FBXL14: variants seen among roughly 807,000 people sequenced by gnomAD.
FBXL14 encodes F-box and leucine rich repeat protein 14, also known as F-box/LRR-repeat protein 14.
FBXL14 carries 11 observed loss-of-function variants against 24.5 expected under a neutral mutation model. The ratio of observed to expected loss-of-function variants is 0.45; its 90% confidence interval spans 0.28 to 0.74. The LOEUF is 0.74. Among genes scored for constraint, FBXL14 ranks in the 30% least tolerant of loss-of-function variants. The pLI, the probability that FBXL14 is intolerant of heterozygous loss-of-function variation, is 0.12. For synonymous variants in FBXL14, 294 were observed against 240.4 expected, an observed-to-expected ratio of 1.22 and a Z score of -2.06; for missense variants, 384 against 545.6, an observed-to-expected ratio of 0.70 and a Z score of 2.95.
At chr12:1,568,137 TAAAG>T (rs1440298074) in intron 1 of FBXL14, among the ~76,000 whole-genome samples, 2 of 151,934 alleles carry the variant, frequency 1.3e-5, no homozygotes, top group South Asian at 2.1e-4. Context: ...AAATCAAAGA[TAAAG>T]AAAAAGTCCT....
At chr12:1,590,435 T>A (rs2094486855) in intron 1 of FBXL14, among the ~76,000 whole-genome samples, 1 of 151,980 alleles carries the variant, frequency 6.6e-6, no homozygotes. Context: ...GAGATCAGTA[T>A]TTTTTTTAAC....
rs185168792 is a variant in FBXL14 at position 1,579,831 on chromosome 12, G to C, written c.1195-13021C>G. Among the ~76,000 whole-genome samples the C allele has an allele frequency of 2.6e-5, 4 of 152,254 alleles. No homozygotes were observed. The East Asian group carries it at 5.8e-4, about 22-fold the overall frequency. Reference sequence around the variant, plus strand: ...GGGTATTTGCATACATCACTAACCAGCTGGGATTAGAATGAGCAGTCTCTC... The same window carrying C: ...GGGTATTTGCATACATCACTAACCACCTGGGATTAGAATGAGCAGTCTCTC... On this transcript the variant is annotated intron_variant, in intron 1 of 1. Coordinates refer to ENST00000339235, the MANE Select transcript of FBXL14 (RefSeq NM_152441.3). The surrounding 1 kb of genome is among the most constrained non-coding windows in gnomAD (Gnocchi z 4.3).
intron 1 of FBXL14, among the ~76,000 whole-genome samples, chr12:1,576,745 G>C (rs913825500): frequency 1.3e-5 from 2 of 152,158 alleles, no homozygotes; most frequent in South Asian, 2.1e-4. Context: ...CTCCATACGC[G>C]TAAGTGGGAG....
rs2094495447 is a variant in FBXL14 at position 1,593,664 on chromosome 12, G to A, written c.403C>T (p.Leu135=). ...SLCKQITDSS[L]GRIAQYLKGL... ...TTGAGGTACTGGGCTATGCGGCCCA[G>A]GCTGCTGTCAGTGATCTGCTTGCAG... The change falls in exon 1 of 2, where the codon CTG becomes TTG. Residue 135 remains leucine, a synonymous_variant. Coordinates refer to ENST00000339235, the MANE Select transcript of FBXL14 (RefSeq NM_152441.3). The surrounding 1 kb of genome is among the most constrained non-coding windows in gnomAD (Gnocchi z 7.4). The A allele has an allele frequency of 6.2e-7, 1 of 1,614,180 alleles. No homozygotes were observed. Among genetic ancestry groups the A allele is most frequent in the African/African-American group, 1.3e-5 (1 of 75,078 alleles).
intron 1 of FBXL14, among the ~76,000 whole-genome samples, chr12:1,584,063 T>TAAAG (rs1425141131): frequency 6.6e-6 from 1 of 152,100 alleles, no homozygotes; most frequent in East Asian, 1.9e-4. Context: ...TTTTTATTTC[T>TAAAG]AAAGAAAGCA....
intron 1 of FBXL14, chr12:1,587,287 T>C (rs1428980658): frequency 6.8e-6 from 1 of 147,770 alleles, no homozygotes; most frequent in Non-Finnish European, 1.5e-5. Flanking sequence ...AGTAATGAAA[T>C]AATAGAAACT....
At chr12:1,591,563 A>G (rs2094490199) in intron 1 of FBXL14, among the ~76,000 whole-genome samples, 2 of 152,204 alleles carry the variant, frequency 1.3e-5, no homozygotes, top group Non-Finnish European at 2.9e-5. Context: ...AGAAATAACA[A>G]CAAAAATCCA....
In FBXL14 at chr12:1,573,408, C is replaced by T. The variant is rs145828099; in HGVS notation, c.1195-6598G>A. 4.7e-4 allele frequency among the ~76,000 whole-genome samples: 72 copies of T among 152,362 alleles called. 1 individual carries two copies. In the East Asian group the frequency reaches 0.011, roughly 23 times the overall value. ...TTTGCTGTATCCTCAGCCCCTATCACAGGACAGGGTGCCTCGTAGAAGCTC... is the reference window on the plus strand; with the variant it reads ...TTTGCTGTATCCTCAGCCCCTATCATAGGACAGGGTGCCTCGTAGAAGCTC... On this transcript the variant is annotated intron_variant, in intron 1 of 1. Coordinates refer to ENST00000339235, the MANE Select transcript of FBXL14 (RefSeq NM_152441.3).
chr12:1,589,530 A>C (rs2094484772), intron 1 of FBXL14, among the ~76,000 whole-genome samples: 1 of 151,654 alleles, frequency 6.6e-6, no homozygotes, highest in South Asian at 2.1e-4. Context: ...CTAGGTTTGA[A>C]TCCTGGCTCC....
intron 1 of FBXL14, among the ~76,000 whole-genome samples, chr12:1,582,749 CT>C (rs2094469161): frequency 6.6e-6 from 1 of 152,172 alleles, no homozygotes; most frequent in Admixed American, 6.5e-5. Context: ...GCCAATACAG[CT>C]TGGTAGAAGC....
chr12:1,572,276 C>CA (rs1287639227), intron 1 of FBXL14, among the ~76,000 whole-genome samples: 3 of 152,204 alleles, frequency 2.0e-5, no homozygotes, highest in African/African-American at 7.2e-5. Context: ...AAACTGCACT[C>CA]AAAGTGCACG....
At chr12:1,584,788 GTGT>G (rs2094473196) in intron 1 of FBXL14, among the ~76,000 whole-genome samples, 2 of 152,166 alleles carry the variant, frequency 1.3e-5, no homozygotes, top group Admixed American at 6.5e-5. Flanking sequence ...TGTCATTTTC[GTGT>G]TGTTTGCTTA....
At chr12:1,576,446 C>T (rs2094456080) in intron 1 of FBXL14, among the ~76,000 whole-genome samples, 2 of 152,196 alleles carry the variant, frequency 1.3e-5, no homozygotes, top group African/African-American at 4.8e-5. Flanking sequence ...CAGAGGCTGT[C>T]ACCCTCTGGA....
intron 1 of FBXL14, among the ~76,000 whole-genome samples, chr12:1,583,040 A>G (rs1170137816): frequency 6.6e-6 from 1 of 152,224 alleles, no homozygotes. Flanking sequence ...CAGGGCTGTT[A>G]TTATTTTCAT....
chr12:1,582,523 A>C (rs2094468751), intron 1 of FBXL14, among the ~76,000 whole-genome samples: 1 of 152,090 alleles, frequency 6.6e-6, no homozygotes, highest in Admixed American at 6.6e-5. Context: ...GTATTCTTTC[A>C]GTGTAGTCAC....
intron 1 of FBXL14, among the ~76,000 whole-genome samples, chr12:1,578,827 C>G (rs2094460776): frequency 6.6e-6 from 1 of 152,126 alleles, no homozygotes; most frequent in African/African-American, 2.4e-5. Flanking sequence ...ACTTATCTCA[C>G]AGTTCCCTCC....
At chr12:1,592,852 G>A (rs765546459) in intron 1 of FBXL14, 21 bp downstream of exon 1, 3 of 1,542,722 alleles carry the variant, frequency 1.9e-6, no homozygotes, top group Admixed American at 3.8e-5. Flanking sequence ...AGGGGAGCTG[G>A]TGCTGCCGCC....
chr12:1,586,025 A>G (rs1322188968), intron 1 of FBXL14, among the ~76,000 whole-genome samples: 1 of 152,224 alleles, frequency 6.6e-6, no homozygotes, highest in Non-Finnish European at 1.5e-5. Flanking sequence ...GCAACAGGCA[A>G]CAGATTTGAC....
intron 1 of FBXL14, among the ~76,000 whole-genome samples, chr12:1,572,622 C>T (rs927109448): frequency 2.2e-4 from 17 of 78,718 alleles, no homozygotes; most frequent in South Asian, 3.5e-4. Flanking sequence ...ACATACAGGT[C>T]GGGGAAGCGG....
Sources: gnomAD v4.1 joint callset for allele counts (sites outside exome capture counted in the v4.1 genomes callset) on GRCh38, gnomAD v4.1.1 for gene constraint, Gnocchi (gnomAD v3.1) non-coding constraint, MANE v1.5 for transcripts, NCBI Gene and HGNC (gene_info 2026-07-23, HGNC 2026-07-21) for gene names.